The following LRRC19 variants were observed in gnomAD, a reference collection of about 807,000 sequenced individuals.
LRRC19 encodes leucine rich repeat containing 19.
A neutral mutation model predicts 33.3 loss-of-function variants in LRRC19; 33 were observed. The ratio of observed to expected loss-of-function variants is 0.99; its 90% CI spans 0.75 to 1.33. LRRC19 has a LOEUF of 1.33. Among genes scored for constraint, LRRC19 ranks in the 40% most tolerant of loss-of-function variants. The pLI is 0.00. For synonymous variants in LRRC19, 184 were observed against 152.3 expected (o/e 1.21, Z -1.53); for missense variants, 463 against 417.3 (o/e 1.11, Z -0.95).
Position 26,995,579 on chromosome 9 carries a change from T to G in LRRC19, c.1055A>C (p.Asp352Ala). ...ATATTTGTCTTCAATAAATCCATCATCATCTACCACAAATGAATGTAATTG... is the reference window on the plus strand; with the variant it reads ...ATATTTGTCTTCAATAAATCCATCAGCATCTACCACAAATGAATGTAATTG... ...FEQLHSFVVD[D>A]DGFIEDKYID... Residue 352 changes from aspartate to alanine, a missense_variant, in exon 5 of 5, where the codon GAT becomes GCT. Transcript: ENST00000380055. 1 of 1,600,130 alleles carries G rather than the reference T, an allele frequency of 6.2e-7. No homozygotes were observed. Among genetic ancestry groups the G allele is most frequent in the South Asian group, 1.1e-5 (1 of 90,644 alleles).
chr9:27,004,909 T>G (rs1828692096), intron 1 of LRRC19, among the ~76,000 whole-genome samples: 1 of 152,210 alleles, frequency 6.6e-6, no homozygotes, highest in Non-Finnish European at 1.5e-5. Context: ...GAAGCATTGT[T>G]CTTAATAAAG....
intron 1 of LRRC19, among the ~76,000 whole-genome samples, chr9:27,003,379 C>T (rs1011333920): frequency 5.9e-5 from 9 of 151,928 alleles, no homozygotes; most frequent in African/African-American, 1.9e-4. Context: ...AAAAATTAGC[C>T]GGGTGCAGTG....
intron 2 of LRRC19, among the ~76,000 whole-genome samples, chr9:26,998,465 A>G (rs978573574): frequency 3.9e-5 from 6 of 152,196 alleles, no homozygotes; most frequent in African/African-American, 1.2e-4. Flanking sequence ...AGAGATTCCA[A>G]TTTGTCATAC....
At chr9:26,996,201 G>A (rs1040131610) in intron 4 of LRRC19, 110 bp downstream of exon 4, 5 of 708,000 alleles carry the variant, frequency 7.1e-6, no homozygotes, top group Non-Finnish European at 1.0e-5. Flanking sequence ...TAGTTGAGAT[G>A]AGGAATCTTT....
chr9:26,997,544 G>A (rs1052460250), intron 3 of LRRC19, among the ~76,000 whole-genome samples, 184 bp downstream of exon 3: 1 of 152,114 alleles, frequency 6.6e-6, no homozygotes, highest in Admixed American at 6.5e-5. Context: ...ATGTTGGCCA[G>A]GCTGGTCTCA....
rs1441406953 is a variant in LRRC19, at chr9:26,994,668, G to A, written c.*853C>T. ...CTTGTGAATGTCTCTCTGGAAATTAGTATTCTAGAAAAACAATTTGGGAAA... is the reference window on the plus strand; with the variant it reads ...CTTGTGAATGTCTCTCTGGAAATTAATATTCTAGAAAAACAATTTGGGAAA... On this transcript the variant is annotated 3_prime_UTR_variant, in exon 5 of 5. Coordinates refer to ENST00000380055, the MANE Select transcript of LRRC19 (RefSeq NM_022901.3). 1 of 152,128 alleles carries A rather than the reference G, an allele frequency of 6.6e-6. No individual in the cohort carries two copies. Among genetic ancestry groups the A allele is most frequent in the African/African-American group, 2.4e-5 (1 of 41,272 alleles). 9.4% of individuals were successfully genotyped at this position (152,128 alleles called of 1,614,324 possible). A position where few individuals can be genotyped will look rare whatever the true frequency, so the allele number is the denominator to read the frequency against.
At chr9:27,000,560 C>T (rs1828427135) in intron 1 of LRRC19, among the ~76,000 whole-genome samples, 2 of 152,110 alleles carry the variant, frequency 1.3e-5, no homozygotes, top group Non-Finnish European at 2.9e-5. Flanking sequence ...TAAAGTAGTG[C>T]ATTCATATAA....
intron 1 of LRRC19, among the ~76,000 whole-genome samples, chr9:27,000,946 G>A (rs1168604745): frequency 6.6e-6 from 1 of 151,982 alleles, no homozygotes. Context: ...AAACTTTTCT[G>A]CATTCCTCCC....
chr9:26,995,431 G>C lies in LRRC19; in HGVS notation c.*90C>G. The C allele has an allele frequency of 1.4e-6, 1 of 703,170 alleles. No individual in the cohort carries two copies. The highest frequency in any genetic ancestry group is 2.4e-6 in the Non-Finnish European group (1 of 423,560). 43.6% of individuals were successfully genotyped at this position (703,170 alleles called of 1,614,324 possible). ...TTGTCATTAATATGAATGCCTGCCAGCTGTATTTTGTTATGTCACATAGCA... is the reference window on the plus strand; with the variant it reads ...TTGTCATTAATATGAATGCCTGCCACCTGTATTTTGTTATGTCACATAGCA... On this transcript the variant is annotated 3_prime_UTR_variant, in exon 5 of 5. Transcript: ENST00000380055.
chr9:26,996,754 T>C (rs914907149), intron 3 of LRRC19, among the ~76,000 whole-genome samples: 1 of 152,136 alleles, frequency 6.6e-6, no homozygotes, highest in African/African-American at 2.4e-5. Flanking sequence ...ATTAATATTG[T>C]GGTTACATGG....
At position 26,997,747 on chromosome 9, in the gene LRRC19, G is replaced by A. The variant is rs772333195; in HGVS notation, c.576C>T (p.Asn192=). The change falls in exon 3 of 5, where the codon AAC becomes AAT. Residue 192 remains asparagine, a synonymous_variant. Transcript: ENST00000380055. ...GCTTACCTAATGTCACATTTGATGT[G>A]TTCAACCAGTTCTGCAAATTAAATA... ...CSLFNLQNWL[N]TSNVTLENEN... 6 of 1,608,448 alleles carry A rather than the reference G, an allele frequency of 3.7e-6. No individual in the cohort carries two copies. The highest frequency in any genetic ancestry group is 4.2e-6 in the Non-Finnish European group (5 of 1,178,466).
rs1387596486 is a variant in LRRC19 at position 26,995,651 on chromosome 9, G to C, written c.983C>G (p.Ser328Ter). The C allele has an allele frequency of 6.2e-7, 1 of 1,613,734 alleles. No individual in the cohort carries two copies. Among genetic ancestry groups the C allele is most frequent in the African/African-American group, 1.3e-5 (1 of 74,920 alleles). ...DGFTGNPSSLSQIPETNSEET... is the reference protein window; with the variant it reads ...DGFTGNPSSL ...TTCAGAGTTTGTTTCTGGTATCTGT[G>C]AAAGAGAGCTTGGATTTCCAGTAAA... Residue 328 changes from serine (S) to a stop codon, truncating the protein, a stop_gained, in exon 5 of 5, where the codon TCA (serine) becomes TGA (stop). Transcript: ENST00000380055. LOFTEE classifies it high-confidence loss of function.
At chr9:27,000,566 T>A (rs180677939) in intron 1 of LRRC19, among the ~76,000 whole-genome samples, 29 of 152,338 alleles carry the variant, frequency 1.9e-4, no homozygotes, top group African/African-American at 6.7e-4. Flanking sequence ...AGTGCATTCA[T>A]ATAATTTTTA....
chr9:27,002,317 A>G (rs963639031), intron 1 of LRRC19, among the ~76,000 whole-genome samples: 4 of 152,210 alleles, frequency 2.6e-5, no homozygotes, highest in African/African-American at 9.6e-5. Flanking sequence ...GAGACCACCA[A>G]ACAGGCTTTG....
intron 1 of LRRC19, among the ~76,000 whole-genome samples, chr9:27,001,122 C>G (rs894624464): frequency 6.6e-6 from 1 of 152,112 alleles, no homozygotes; most frequent in Non-Finnish European, 1.5e-5. Flanking sequence ...TTTGTTGCCG[C>G]AAATGACAGG....
At chr9:26,999,313 A>C (rs912066996) in intron 2 of LRRC19, among the ~76,000 whole-genome samples, 16 of 152,142 alleles carry the variant, frequency 1.1e-4, no homozygotes, top group African/African-American at 3.9e-4. Context: ...TCTCTCATAA[A>C]TATGTGCTTT....
rs1210641215 is a variant in LRRC19, at chr9:26,993,614, G to A, written c.*1907C>T. On this transcript the variant is annotated 3_prime_UTR_variant, in exon 5 of 5. Transcript: ENST00000380055. ...TATGACATAGATCTATTTTATTTTA[G>A]CCTCTTTTTTCTAAGGAATTGTCAA... 2 of 151,980 alleles carry A rather than the reference G, an allele frequency of 1.3e-5. No individual in the cohort carries two copies. The highest frequency in any genetic ancestry group is 2.9e-5 in the Non-Finnish European group (2 of 67,924). The allele number at this position is 151,980 out of a possible 1,614,324, so 9.4% of individuals were successfully genotyped here. A position where few individuals can be genotyped will look rare whatever the true frequency, so the allele number is the denominator to read the frequency against.
At chr9:27,005,333 T>C (rs1353045069) in intron 1 of LRRC19, among the ~76,000 whole-genome samples, 1 of 144,390 alleles carries the variant, frequency 6.9e-6, no homozygotes, top group Non-Finnish European at 1.5e-5. Flanking sequence ...ATAAATTTGA[T>C]TGGCTAGATG....
At position 26,997,990 on chromosome 9, in the gene LRRC19, T is replaced by C; in HGVS notation, c.333A>G (p.Val111=). ...AGCCTAAAAATGCACCCTGTTGAATTACATAGATGGAGTTTCTACAGATAT... is the reference window on the plus strand; with the variant it reads ...AGCCTAAAAATGCACCCTGTTGAATCACATAGATGGAGTTTCTACAGATAT... ...ILNICRNSIY[V]IQQGAFLGLN... is the part of the protein sequence containing the mutation. Residue 111 remains valine (V), a synonymous_variant, in exon 3 of 5, where the codon GTA becomes GTG. Transcript: ENST00000380055. The C allele has an allele frequency of 6.2e-7, 1 of 1,613,976 alleles. No individual in the cohort carries two copies. Among genetic ancestry groups the C allele is most frequent in the Non-Finnish European group, 8.5e-7 (1 of 1,179,968 alleles).
Sources: gnomAD v4.1 joint callset for allele counts (sites outside exome capture counted in the v4.1 genomes callset) on GRCh38, gnomAD v4.1.1 for gene constraint, MANE v1.5 for transcripts, NCBI Gene and HGNC (gene_info 2026-07-23, HGNC 2026-07-21) for gene names.